Variants in MITF observed in about 807,000 individuals in gnomAD.
MITF encodes the protein melanocyte inducing transcription factor.
Under a neutral mutation model 60.5 loss-of-function variants are expected in MITF, and 17 were observed. The observed-to-expected ratio is 0.28, with a 90% CI of 0.19 to 0.42. The LOEUF (loss-of-function observed/expected upper bound fraction) is 0.42. MITF is among the 10% of genes least tolerant of loss of function. The pLI, the probability that MITF is intolerant of heterozygous loss-of-function variation, is 1.00. For missense variants in MITF, 622 were observed against 683.5 expected, an observed-to-expected ratio of 0.91 and a Z score of 1.00; for synonymous variants, 260 against 248.5, an observed-to-expected ratio of 1.05 and a Z score of -0.43.
Position 69,741,051 on chromosome 3 carries a change from T to C in MITF, c.104+1350T>C, listed in dbSNP as rs545751989. On this transcript the variant is annotated intron_variant, in intron 1 of 9. Coordinates refer to ENST00000352241, the MANE Select transcript of MITF (RefSeq NM_001354604.2). ...GGAACAGCGGTCCTACTGACTGCCATTGCTGAAGACTCTTTGTAGATGCTT... is the reference window on the plus strand; with the variant it reads ...GGAACAGCGGTCCTACTGACTGCCACTGCTGAAGACTCTTTGTAGATGCTT... Among the ~76,000 whole-genome samples, 6 of 152,350 alleles carry C rather than the reference T, an allele frequency of 3.9e-5. No individual in the cohort carries two copies. In the South Asian group the frequency reaches 1.2e-3, roughly 32 times the overall value.
rs76652745 is a variant in MITF at position 69,944,197 on chromosome 3, G to A, written c.762+2866G>A. On this transcript the variant is annotated intron_variant, in intron 5 of 9. Transcript: ENST00000352241. Reference sequence around the variant, plus strand: ...TGTTCCTTCATTATCTCGTTGTTCCGAAAGTATATTAAAGATTAATTTAGC... The same window carrying A: ...TGTTCCTTCATTATCTCGTTGTTCCAAAAGTATATTAAAGATTAATTTAGC... Among the ~76,000 whole-genome samples, 220 of 152,116 alleles carry A rather than the reference G, an allele frequency of 1.4e-3. 2 individuals are homozygous for A. The highest frequency in any genetic ancestry group is 4.6e-3 in the African/African-American group (190 of 41,482).
intron 2 of MITF, among the ~76,000 whole-genome samples, chr3:69,889,776 G>A (rs1437731528): frequency 1.3e-5 from 2 of 151,964 alleles, no homozygotes; most frequent in African/African-American, 2.4e-5. Context: ...TGTTTCAAAC[G>A]TATTCAAAAG....
intron 1 of MITF, among the ~76,000 whole-genome samples, chr3:69,815,188 T>C (rs2063162322): frequency 6.6e-6 from 1 of 152,130 alleles, no homozygotes; most frequent in Non-Finnish European, 1.5e-5. Context: ...TCAGAGGTTA[T>C]CTCCTAGGAG....
chr3:69,822,334 G>T (rs1464435893), intron 1 of MITF, among the ~76,000 whole-genome samples: 1 of 152,242 alleles, frequency 6.6e-6, no homozygotes, highest in African/African-American at 2.4e-5. Flanking sequence ...AAGCTTGCTG[G>T]CCCCTGGTTT....
At chr3:69,794,992 A>G (rs80085146) in intron 1 of MITF, among the ~76,000 whole-genome samples, 4 of 152,276 alleles carry the variant, frequency 2.6e-5, no homozygotes, top group African/African-American at 7.2e-5. Context: ...AATTTATTCA[A>G]TCTTTCTACT....
chr3:69,936,602 C>T lies in MITF; in HGVS notation c.355-1220C>T, dbSNP rs1055287343. The T allele has an allele frequency of 1.1e-5, 17 of 1,546,480 alleles. No homozygotes were observed. The African/African-American group carries it at 1.6e-4, about 15-fold the overall frequency. On this transcript the variant is annotated intron_variant, in intron 2 of 9. Transcript: ENST00000352241. ...TGTGATAAAGTTTCCGGTGGTGTCT[C>T]GGGATACCTTGTTTATAGTACCTTC...
At chr3:69,870,116 T>G (rs1353639880) in intron 1 of MITF, among the ~76,000 whole-genome samples, 1 of 150,742 alleles carries the variant, frequency 6.6e-6, no homozygotes, top group Non-Finnish European at 1.5e-5. Flanking sequence ...TATGCTATAG[T>G]ACAGTTGCCG....
intron 3 of MITF, chr3:69,938,518 A>G: frequency 6.9e-7 from 1 of 1,451,242 alleles, no homozygotes; most frequent in Non-Finnish European, 9.1e-7. Context: ...TGGAATATGC[A>G]TGGATGGATT....
chr3:69,789,777 AC>A (rs1429859397), intron 1 of MITF, among the ~76,000 whole-genome samples: 1 of 152,036 alleles, frequency 6.6e-6, no homozygotes, highest in African/African-American at 2.4e-5. Context: ...AATTGCTTGA[AC>A]CCAGGAGGCA....
rs761038653 is a variant in MITF at position 69,939,159 on chromosome 3, A to T, written c.644A>T (p.His215Leu). 80 of 1,613,978 alleles carry T rather than the reference A, an allele frequency of 5.0e-5. No individual in the cohort carries two copies. The highest frequency in any genetic ancestry group is 1.4e-5 in the Non-Finnish European group (16 of 1,180,002). ...AESECPGMNT[H>L]SRASCMQMDD... The stretch of plus-strand genomic sequence containing the variant: ...AGCGAGTGCCCAGGCATGAACACAC[A>T]TTCACGAGCGTCCTGTATGCAGGTA... The change falls in exon 4 of 10, where the codon CAT becomes CTT. Residue 215 changes from histidine to leucine, a missense_variant. This residue lies in a region of MITF where 215 missense variants were observed against 224.8 expected (regional missense o/e 0.96). Coordinates refer to ENST00000352241, the MANE Select transcript of MITF (RefSeq NM_001354604.2).
chr3:69,779,828 C>T (rs1353931076), intron 1 of MITF, among the ~76,000 whole-genome samples: 1 of 152,118 alleles, frequency 6.6e-6, no homozygotes, highest in Non-Finnish European at 1.5e-5. Context: ...GTATAATTCA[C>T]AACCGGTAAA....
chr3:69,941,264 G>A lies in MITF; in HGVS notation c.695G>A (p.Ser232Asn), dbSNP rs764477527. ...QMDDVIDDII[S>N]LESSYNEEIL... ...GATGATGTAATCGATGACATCATTA[G>A]CCTAGAATCAAGTTATAATGAGGAA... Residue 232 changes from serine to asparagine, a missense_variant, in exon 5 of 10, where the codon AGC (serine) becomes AAC (asparagine). Physicochemically the swap from Ser to Asn is conservative, Grantham distance 46. Transcript: ENST00000352241. The A allele has an allele frequency of 6.2e-7, 1 of 1,612,560 alleles. No individual in the cohort carries two copies. Among genetic ancestry groups the A allele is most frequent in the African/African-American group, 1.3e-5 (1 of 74,948 alleles).
chr3:69,843,985 C>T (rs1208978800), intron 1 of MITF, among the ~76,000 whole-genome samples: 4 of 152,158 alleles, frequency 2.6e-5, no homozygotes, highest in Non-Finnish European at 4.4e-5. Flanking sequence ...CGAGTGATAA[C>T]ATGTGGTGTT....
chr3:69,808,251 T>C (rs1335664634), intron 1 of MITF, among the ~76,000 whole-genome samples: 1 of 151,872 alleles, frequency 6.6e-6, no homozygotes, highest in Admixed American at 6.6e-5. Flanking sequence ...GGGGATTCAA[T>C]GATGAACTGA....
intron 1 of MITF, among the ~76,000 whole-genome samples, chr3:69,835,199 G>A (rs181635920): frequency 1.3e-4 from 19 of 151,776 alleles, no homozygotes; most frequent in Non-Finnish European, 2.4e-4. Context: ...TGTAGTTTTT[G>A]TAGAGACCGG....
intron 2 of MITF, among the ~76,000 whole-genome samples, chr3:69,898,416 T>A (rs537457094): frequency 6.6e-6 from 1 of 152,266 alleles, no homozygotes; most frequent in African/African-American, 2.4e-5. Flanking sequence ...GTGATCAAGA[T>A]AGTGAAGTCA....
chr3:69,803,992 G>T (rs1257721478), intron 1 of MITF, among the ~76,000 whole-genome samples: 1 of 152,014 alleles, frequency 6.6e-6, no homozygotes, highest in African/African-American at 2.4e-5. Context: ...AAGAATCCAT[G>T]AAGCAAATGT....
At chr3:69,962,513 A>C (rs2066575551) in intron 9 of MITF, among the ~76,000 whole-genome samples, 2 of 152,194 alleles carry the variant, frequency 1.3e-5, no homozygotes, top group African/African-American at 4.8e-5. Flanking sequence ...CTTTGCAGGC[A>C]CATATGTTTC....
chr3:69,834,846 C>CTTTTT (rs71126468), intron 1 of MITF, among the ~76,000 whole-genome samples: 13 of 129,660 alleles, frequency 1.0e-4, no homozygotes, highest in East Asian at 2.3e-4. Flanking sequence ...GTTTTCTTTT[C>CTTTTT]TTTTTTTTTT....
Sources: allele counts gnomAD v4.1 joint callset (sites outside exome capture counted in the v4.1 genomes callset), GRCh38; gene constraint gnomAD v4.1.1; regional missense constraint gnomAD v4.1.1; transcripts MANE v1.5; gene names NCBI Gene and HGNC (gene_info 2026-07-23, HGNC 2026-07-21).